Variants in NCK1 observed in about 807,000 individuals in gnomAD.
The protein encoded by NCK1 is NCK adaptor protein 1.
Under a neutral mutation model 36.6 loss-of-function variants are expected in NCK1, and 19 were observed. The ratio of observed to expected loss-of-function variants is 0.52; its 90% CI spans 0.36 to 0.76. The LOEUF (loss-of-function observed/expected upper bound fraction) is 0.76, where lower values mean the gene tolerates loss of function less well. Among genes scored for constraint, NCK1 ranks in the 30% least tolerant of loss-of-function variants. The pLI is 0.00. For synonymous variants in NCK1, 165 were observed against 156.0 expected (o/e 1.06, Z -0.43); for missense variants, 358 against 445.6 (o/e 0.80, Z 1.77).
At chr3:136,910,238 C>A (rs1479933353) in intron 1 of NCK1, among the ~76,000 whole-genome samples, 1 of 152,188 alleles carries the variant, frequency 6.6e-6, no homozygotes, top group East Asian at 1.9e-4. Context: ...TTTGTAGTTA[C>A]CATGGGGATT....
At chr3:136,871,725 C>G (rs1938623492) in intron 1 of NCK1, among the ~76,000 whole-genome samples, 1 of 152,156 alleles carries the variant, frequency 6.6e-6, no homozygotes, top group South Asian at 2.1e-4. Context: ...TCCCACAATT[C>G]CCACGTGTGG....
chr3:136,866,455 G>C lies in NCK1; in HGVS notation c.-19+4102G>C, dbSNP rs560503472. On this transcript the variant is annotated intron_variant, in intron 1 of 3. Coordinates refer to ENST00000481752, the MANE Select transcript of NCK1 (RefSeq NM_001291999.2). ...CCCTAGTAGCTGGGACTACAGGCAT[G>C]CGCCACCATGCCTGGCTAATTTTGT... 1.4e-4 allele frequency among the ~76,000 whole-genome samples: 21 copies of C among 151,718 alleles called. 1 individual carries two copies. The highest frequency in any genetic ancestry group is 5.1e-4 in the African/African-American group (21 of 41,368).
intron 1 of NCK1, among the ~76,000 whole-genome samples, chr3:136,865,054 G>T (rs1938374484): frequency 6.6e-6 from 1 of 151,998 alleles, no homozygotes; most frequent in Non-Finnish European, 1.5e-5. Flanking sequence ...TGCCTGCCGG[G>T]TTCAAGCAAT....
chr3:136,882,452 G>C (rs1421393914), intron 1 of NCK1, among the ~76,000 whole-genome samples: 4 of 152,128 alleles, frequency 2.6e-5, no homozygotes, highest in Non-Finnish European at 4.4e-5. Flanking sequence ...ACAACAGCCA[G>C]AGAAATGTTT....
chr3:136,920,147 T>A (rs1333961485), intron 1 of NCK1, among the ~76,000 whole-genome samples: 1 of 152,148 alleles, frequency 6.6e-6, no homozygotes, highest in Non-Finnish European at 1.5e-5. Context: ...GTAAATACTC[T>A]TACTAATGAA....
At position 136,942,463 on chromosome 3, in the gene NCK1, G is replaced by A. The variant is rs112873040; in HGVS notation, c.227-3120G>A. The stretch of plus-strand genomic sequence containing the variant: ...TCAGCTAGGGTTTTAACAGAGTTTC[G>A]TTAAACACCTGGAGCCAAAAGAAAA... On this transcript the variant is annotated intron_variant, in intron 2 of 3. Coordinates refer to ENST00000481752, the MANE Select transcript of NCK1 (RefSeq NM_001291999.2). Among the ~76,000 whole-genome samples, 177 of 152,220 alleles carry A rather than the reference G, an allele frequency of 1.2e-3. 1 individual carries two copies. The highest frequency in any genetic ancestry group is 3.8e-3 in the African/African-American group (158 of 41,522).
chr3:136,944,472 C>T (rs1352906830), intron 2 of NCK1, among the ~76,000 whole-genome samples: 2 of 151,900 alleles, frequency 1.3e-5, no homozygotes, highest in African/African-American at 2.4e-5. Flanking sequence ...AAAATTGGAC[C>T]AGTTAGAGAA....
intron 1 of NCK1, among the ~76,000 whole-genome samples, chr3:136,889,516 GCT>G (rs1203346066): frequency 1.3e-5 from 2 of 152,088 alleles, no homozygotes; most frequent in Non-Finnish European, 2.9e-5. Context: ...AAAGAACAAA[GCT>G]TCCACAGTGT....
At chr3:136,940,142 C>T (rs979406501) in intron 2 of NCK1, among the ~76,000 whole-genome samples, 4 of 152,136 alleles carry the variant, frequency 2.6e-5, no homozygotes, top group African/African-American at 9.7e-5. Context: ...GAATTACAGG[C>T]TTGAGCCACT....
rs1940809329 is a variant in NCK1 at position 136,946,002 on chromosome 3, G to A, written c.646G>A (p.Val216Ile). 6.2e-7 allele frequency: 1 copy of A among 1,614,016 alleles called. No homozygotes were observed. The change falls in exon 3 of 4, where the codon GTA (valine) becomes ATA (isoleucine). Residue 216 changes from valine (V) to isoleucine (I), a missense_variant. Around this residue, in one of 3 missense-constraint regions of NCK1, gnomAD observed 207 missense variants for 253.4 expected, o/e 0.82. Transcript: ENST00000481752. ...DEELNFEKGD[V>I]MDVIEKPEND... is the part of the protein sequence containing the mutation. ...AGAACTTAATTTCGAGAAAGGAGAT[G>A]TAATGGATGTTATTGAAAAACCTGA...
intron 3 of NCK1, chr3:136,946,859 A>G (rs914261466): frequency 4.6e-5 from 7 of 152,444 alleles, no homozygotes; most frequent in Admixed American, 4.6e-4. Flanking sequence ...TTATATTGCA[A>G]TACTAGTAAA....
chr3:136,867,162 TTCCTTCCTTCCTTCCTTCTTTC>T (rs1938465241), intron 1 of NCK1, among the ~76,000 whole-genome samples: 1 of 64,276 alleles, frequency 1.6e-5, no homozygotes. Flanking sequence ...CCTTCCTTCC[TTCCTTCCTTCCTTCCTTCTTTC>T]TTTCTTTTCT....
intron 1 of NCK1, among the ~76,000 whole-genome samples, chr3:136,867,277 CTTCT>C (rs1938478523): frequency 6.7e-6 from 1 of 148,204 alleles, no homozygotes; most frequent in Non-Finnish European, 1.5e-5. Context: ...TTCTTTCTTT[CTTCT>C]TTCTTTTTTG....
chr3:136,926,629 C>T (rs1215797776), intron 1 of NCK1, among the ~76,000 whole-genome samples: 1 of 152,128 alleles, frequency 6.6e-6, no homozygotes, highest in South Asian at 2.1e-4. Flanking sequence ...TCTATATACA[C>T]TCCTCTTGCT....
At chr3:136,934,938 GTGTT>G (rs896419474) in intron 2 of NCK1, among the ~76,000 whole-genome samples, 2 of 152,116 alleles carry the variant, frequency 1.3e-5, no homozygotes, top group African/African-American at 4.8e-5. Flanking sequence ...TATGACCTGA[GTGTT>G]TGTGTCCCCC....
intron 1 of NCK1, among the ~76,000 whole-genome samples, chr3:136,863,334 C>T (rs1938303138): frequency 6.6e-6 from 1 of 152,234 alleles, no homozygotes; most frequent in African/African-American, 2.4e-5. Flanking sequence ...CCAACTATAA[C>T]GATTTCTTCA....
At chr3:136,897,367 C>T (rs965791910) in intron 1 of NCK1, among the ~76,000 whole-genome samples, 6 of 152,210 alleles carry the variant, frequency 3.9e-5, no homozygotes, top group African/African-American at 1.4e-4. Context: ...GCTGAGATTA[C>T]AGACATGAGC....
Position 136,946,141 on chromosome 3 carries a change from C to T in NCK1, c.785C>T (p.Ser262Leu), listed in dbSNP as rs1576995007. The change falls in exon 3 of 4, where the codon TCA (serine) becomes TTA (leucine). Residue 262 changes from serine (S) to leucine (L), a missense_variant. Coordinates refer to ENST00000481752, the MANE Select transcript of NCK1 (RefSeq NM_001291999.2). ...NNPLTSGLEP[S>L]PPQCDYIRPS... is the part of the protein sequence containing the mutation. ...CCATTAACTTCAGGTTTGGAACCAT[C>T]ACCTCCACAGTGTGATTACATTAGG... 1 of 1,613,728 alleles carries T rather than the reference C, an allele frequency of 6.2e-7. No individual in the cohort carries two copies. Among genetic ancestry groups the T allele is most frequent in the South Asian group, 1.1e-5 (1 of 91,064 alleles).
chr3:136,900,131 G>C (rs929657221), intron 1 of NCK1: 1 of 347,294 alleles, frequency 2.9e-6, no homozygotes, highest in Non-Finnish European at 5.5e-6. Context: ...GGCTGTAGTG[G>C]TGGTTTCAGT....
Sources: allele counts gnomAD v4.1 joint callset (sites outside exome capture counted in the v4.1 genomes callset), GRCh38; gene constraint gnomAD v4.1.1; regional missense constraint gnomAD v4.1.1; transcripts MANE v1.5; gene names NCBI Gene and HGNC (gene_info 2026-07-23, HGNC 2026-07-21).